CHST7: variants seen among roughly 807,000 people sequenced by gnomAD.
CHST7 encodes the protein N-acetylglucosamine 6-O-sulfotransferase 4.
Under a neutral mutation model 9.0 loss-of-function variants are expected in CHST7, and 5 were observed. The ratio of observed to expected loss-of-function variants is 0.56; its 90% confidence interval spans 0.29 to 1.17. The LOEUF (loss-of-function observed/expected upper bound fraction) is 1.17, where lower values mean the gene tolerates loss of function less well. Among genes scored for constraint, CHST7 ranks in the 50% most tolerant of loss-of-function variants. The probability of loss-of-function intolerance (pLI) is 0.08; values close to 1 mark genes in which losing one functional copy is unlikely to be tolerated. For synonymous variants in CHST7, 244 were observed against 237.1 expected, an observed-to-expected ratio of 1.03 and a Z score of -0.27; for missense variants, 377 against 485.1, an observed-to-expected ratio of 0.78 and a Z score of 2.09.
chrX:46,582,299 C>G (rs1942529174), intron 1 of CHST7, among the ~76,000 whole-genome samples: 1 of 112,044 alleles, frequency 8.9e-6, no homozygotes, highest in Admixed American at 9.5e-5. Context: ...GCAGAGTGAC[C>G]TTATATAGCA....
intron 1 of CHST7, among the ~76,000 whole-genome samples, chrX:46,578,890 A>G (rs941472369): frequency 9.0e-6 from 1 of 111,640 alleles, no homozygotes; most frequent in Non-Finnish European, 1.9e-5. Flanking sequence ...GCCCTGGCTG[A>G]ACATTACATT....
intron 1 of CHST7, among the ~76,000 whole-genome samples, chrX:46,592,067 C>T (rs1942575817): frequency 2.7e-5 from 3 of 112,287 alleles, no homozygotes; most frequent in African/African-American, 9.7e-5. Flanking sequence ...TTTCAAGAGC[C>T]TTTTAACTAT....
intron 1 of CHST7, among the ~76,000 whole-genome samples, chrX:46,582,115 T>C (rs557786629): frequency 8.9e-6 from 1 of 112,025 alleles, no homozygotes; most frequent in Admixed American, 9.5e-5. Context: ...ATCTTCTTTT[T>C]AATAGCTATA....
At chrX:46,594,244 G>A (rs770634917) in intron 1 of CHST7, among the ~76,000 whole-genome samples, 109 of 111,816 alleles carry the variant, frequency 9.7e-4, no homozygotes, top group Non-Finnish European at 1.7e-3. Context: ...AATCTGGATC[G>A]AGGCTGGGCA....
chrX:46,578,311 C>G (rs1371318495), intron 1 of CHST7, among the ~76,000 whole-genome samples: 2 of 73,262 alleles, frequency 2.7e-5, no homozygotes, highest in African/African-American at 1.2e-4. Context: ...AGCTCTTACT[C>G]TGTCACCCAG....
intron 1 of CHST7, among the ~76,000 whole-genome samples, chrX:46,593,232 ACT>A (rs765644201): frequency 3.6e-4 from 40 of 110,347 alleles, no homozygotes; most frequent in Admixed American, 1.7e-3. Context: ...ATCCTTACTG[ACT>A]CTCTGTCTAG....
In CHST7 at chrX:46,575,154, T is replaced by C; in HGVS notation, c.1223T>C (p.Met408Thr). The C allele has an allele frequency of 9.1e-7, 1 of 1,095,950 alleles. No homozygotes were observed. The highest frequency in any genetic ancestry group is 1.2e-6 in the Non-Finnish European group (1 of 848,194). The allele number at this position is 1,095,950 out of a possible 1,213,427, so 90.3% of individuals were successfully genotyped here. ...LAALDAFALN[M>T]TRGAAYGADR... Reference sequence around the variant, plus strand: ...GCGCTCGATGCCTTCGCGCTCAACATGACTCGCGGCGCGGCCTACGGCGCC... The same window carrying C: ...GCGCTCGATGCCTTCGCGCTCAACACGACTCGCGGCGCGGCCTACGGCGCC... The change falls in exon 1 of 2, where the codon ATG becomes ACG. Residue 408 changes from methionine to threonine, a missense_variant. Transcript: ENST00000276055.
rs376345917 is a variant in CHST7, at chrX:46,579,925, G to A, written c.*31+4502G>A. ...GAGGATCGCTTGAGCCCAAGAAGTC[G>A]AGGCTGCAATGAGCTGTGATCACGC... On this transcript the variant is annotated intron_variant, in intron 1 of 1. Transcript: ENST00000276055. Among the ~76,000 whole-genome samples, 12 of 111,085 alleles carry A rather than the reference G, an allele frequency of 1.1e-4. No individual in the cohort carries two copies. In the South Asian group the frequency reaches 2.6e-3, roughly 24 times the overall value.
chrX:46,596,915 C>T (rs1337656648), intron 1 of CHST7, among the ~76,000 whole-genome samples: 1 of 102,667 alleles, frequency 9.7e-6, no homozygotes, highest in Non-Finnish European at 2.0e-5. Context: ...CCACTGTACT[C>T]CAGCCTGGGC....
At chrX:46,592,041 G>A (rs1942575771) in intron 1 of CHST7, among the ~76,000 whole-genome samples, 1 of 112,152 alleles carries the variant, frequency 8.9e-6, no homozygotes, top group Non-Finnish European at 1.9e-5. Flanking sequence ...AGCAAAGGAC[G>A]TGAATGAGAT....
intron 1 of CHST7, among the ~76,000 whole-genome samples, chrX:46,591,500 C>G (rs1942572860): frequency 9.1e-6 from 1 of 110,109 alleles, no homozygotes; most frequent in African/African-American, 3.3e-5. Flanking sequence ...TCAGCCTCCC[C>G]AGTAGCTGGG....
In CHST7 at chrX:46,598,335, A is replaced by ACTT. The variant is rs1569493578; in HGVS notation, c.*608_*610dup. 8.9e-6 allele frequency: 1 copy of ACTT among 111,968 alleles called. No individual in the cohort carries two copies. Among genetic ancestry groups the ACTT allele is most frequent in the Non-Finnish European group, 1.9e-5 (1 of 53,233 alleles). The allele number at this position is 111,968 out of a possible 1,213,427, so 9.2% of individuals were successfully genotyped here. Reference sequence around the variant, plus strand: ...CCCTAATGAACTGAAACACACTTTTACTTTAAAATTTTTCTGTCTGGCGTT... The same window carrying ACTT: ...CCCTAATGAACTGAAACACACTTTTACTTCTTTAAAATTTTTCTGTCTGGCGTT... On this transcript the variant is annotated 3_prime_UTR_variant, in exon 2 of 2. Transcript: ENST00000276055.
chrX:46,579,369 C>G (rs1433585109), intron 1 of CHST7, among the ~76,000 whole-genome samples: 1 of 112,205 alleles, frequency 8.9e-6, no homozygotes, highest in East Asian at 2.8e-4. Context: ...CTATCCACCA[C>G]TGTTCTGGAC....
intron 1 of CHST7, among the ~76,000 whole-genome samples, chrX:46,593,250 C>T (rs930471885): frequency 8.1e-5 from 9 of 111,539 alleles, no homozygotes; most frequent in Non-Finnish European, 1.5e-4. Flanking sequence ...TCTAGTGAGT[C>T]CATCATTTGT....
In CHST7 at chrX:46,574,723, G is replaced by A. The variant is rs780932142; in HGVS notation, c.792G>A (p.Leu264=). Reference sequence around the variant, plus strand: ...ATCTGGGCGTGCTGGTGCCCCTGTTGCGTGATCCAGGCCTCAACCTGAAGG... The same window carrying A: ...ATCTGGGCGTGCTGGTGCCCCTGTTACGTGATCCAGGCCTCAACCTGAAGG... ...LLDLGVLVPL[L]RDPGLNLKVV... is the part of the protein sequence containing the mutation. Residue 264 remains leucine (L), a synonymous_variant, in exon 1 of 2, where the codon TTG becomes TTA. Transcript: ENST00000276055. 13 of 1,209,560 alleles carry A rather than the reference G, an allele frequency of 1.1e-5. No homozygotes were observed. The South Asian group carries it at 2.1e-4, about 20-fold the overall frequency.
At chrX:46,583,875 C>T (rs182400790) in intron 1 of CHST7, among the ~76,000 whole-genome samples, 4 of 112,256 alleles carry the variant, frequency 3.6e-5, no homozygotes, top group Middle Eastern at 4.6e-3. Flanking sequence ...TCTGTCTCCA[C>T]GACAACCCCC....
chrX:46,583,681 G>A (rs991873890), intron 1 of CHST7, among the ~76,000 whole-genome samples: 2 of 112,240 alleles, frequency 1.8e-5, no homozygotes, highest in Non-Finnish European at 3.8e-5. Flanking sequence ...TGATCAAGTC[G>A]GTATTGGGGT....
At chrX:46,586,915 A>C (rs777048335) in intron 1 of CHST7, among the ~76,000 whole-genome samples, 1 of 110,376 alleles carries the variant, frequency 9.1e-6, no homozygotes, top group African/African-American at 3.3e-5. Context: ...TTGTGTTTTT[A>C]ATAGAGATGG....
At chrX:46,596,447 G>T (rs1247830875) in intron 1 of CHST7, among the ~76,000 whole-genome samples, 1 of 110,551 alleles carries the variant, frequency 9.0e-6, no homozygotes, top group African/African-American at 3.3e-5. Flanking sequence ...GTCTGGGGGT[G>T]GGGGGTAATG....
Sources: allele counts gnomAD v4.1 joint callset (sites outside exome capture counted in the v4.1 genomes callset), GRCh38; gene constraint gnomAD v4.1.1; transcripts MANE v1.5; gene names NCBI Gene and HGNC (gene_info 2026-07-23, HGNC 2026-07-21).